The following UGT1A9 variants were observed in gnomAD, a reference collection of about 807,000 sequenced individuals.
UGT1A9 encodes the protein UDP-glucuronosyltransferase 1A9.
UGT1A9 carries 35 observed loss-of-function variants against 45.0 expected under a neutral mutation model. The ratio of observed to expected loss-of-function variants is 0.78; its 90% CI spans 0.59 to 1.03. The LOEUF is 1.03. Ranked by LOEUF, UGT1A9 falls within the 50% of genes least tolerant of loss-of-function variation. The pLI, the probability that UGT1A9 is intolerant of heterozygous loss-of-function variation, is 0.00. For missense variants in UGT1A9, 687 were observed against 666.6 expected, an observed-to-expected ratio of 1.03 and a Z score of -0.34; for synonymous variants, 278 against 250.6, an observed-to-expected ratio of 1.11 and a Z score of -1.03.
At position 233,742,072 on chromosome 2, in the gene UGT1A9, G is replaced by A. The variant is rs147639323; in HGVS notation, c.856-24962G>A. The A allele has an allele frequency of 2.6e-5, 4 of 151,962 alleles. 1 individual carries two copies. Among genetic ancestry groups the A allele is most frequent in the African/African-American group, 9.7e-5 (4 of 41,216 alleles). The allele number at this position is 151,962 out of a possible 1,614,324, so 9.4% of individuals were successfully genotyped here. ...GGATAGTTCTGTGTGGCCTTATGGA[G>A]ATCCTTTTTTTACATTTCCAGGACC... On this transcript the variant is annotated intron_variant, in intron 1 of 4. Coordinates refer to ENST00000354728, the MANE Select transcript of UGT1A9 (RefSeq NM_021027.3).
chr2:233,770,096 C>T (rs1250263322), intron 4 of UGT1A9: 2 of 152,608 alleles, frequency 1.3e-5, no homozygotes, highest in African/African-American at 4.8e-5. Flanking sequence ...GTATAGATAA[C>T]TACTTGTAAC....
intron 1 of UGT1A9, among the ~76,000 whole-genome samples, chr2:233,738,417 G>A (rs1690784004): frequency 6.6e-6 from 1 of 152,216 alleles, no homozygotes; most frequent in Non-Finnish European, 1.5e-5. Context: ...ACAGGCAGAG[G>A]CTGGAACAGT....
At chr2:233,674,675 TTA>T (rs2074292486) in intron 1 of UGT1A9, among the ~76,000 whole-genome samples, 2 of 152,206 alleles carry the variant, frequency 1.3e-5, no homozygotes, top group Non-Finnish European at 2.9e-5. Flanking sequence ...ATAAATGTGT[TTA>T]TGTGTCTATT....
At chr2:233,729,152 T>C (rs749302324) in intron 1 of UGT1A9, 3 of 1,613,556 alleles carry the variant, frequency 1.9e-6, no homozygotes, top group Non-Finnish European at 2.5e-6. Flanking sequence ...CAGGTTCCCC[T>C]GCCGTGGCTG....
At chr2:233,742,200 G>A (rs1293437959) in intron 1 of UGT1A9, among the ~76,000 whole-genome samples, 2 of 151,984 alleles carry the variant, frequency 1.3e-5, no homozygotes, top group East Asian at 3.9e-4. Context: ...GAAATCAGGG[G>A]ACTCACAGCC....
At chr2:233,743,793 C>A (rs768890081) in intron 1 of UGT1A9, 2 of 1,367,374 alleles carry the variant, frequency 1.5e-6, no homozygotes, top group Admixed American at 3.8e-5. Flanking sequence ...CTCCTCTCCG[C>A]TTCCTCCTTG....
intron 1 of UGT1A9, among the ~76,000 whole-genome samples, chr2:233,694,919 C>T (rs993608682): frequency 2.0e-5 from 3 of 152,252 alleles, no homozygotes; most frequent in South Asian, 2.1e-4. Flanking sequence ...ATACAATGTG[C>T]GATGATCAAA....
chr2:233,746,671 G>C (rs1345040800), intron 1 of UGT1A9, among the ~76,000 whole-genome samples: 1 of 151,792 alleles, frequency 6.6e-6, no homozygotes, highest in East Asian at 1.9e-4. Flanking sequence ...TCCTAGCATA[G>C]TAGGTAGGGC....
At chr2:233,766,838 C>A (rs906628829) in intron 1 of UGT1A9, among the ~76,000 whole-genome samples, 196 bp from the exon 2 acceptor site, 7 of 152,156 alleles carry the variant, frequency 4.6e-5, no homozygotes, top group African/African-American at 1.7e-4. Context: ...TAAGCAGGAA[C>A]CCTTCCTCCT....
At chr2:233,760,188 C>T (rs1697341455) in intron 1 of UGT1A9, 3 of 1,563,658 alleles carry the variant, frequency 1.9e-6, no homozygotes, top group East Asian at 2.3e-5. Flanking sequence ...TTTATAGTCA[C>T]GTGACACAGT....
chr2:233,754,024 C>T (rs763970261), intron 1 of UGT1A9, among the ~76,000 whole-genome samples: 4 of 152,198 alleles, frequency 2.6e-5, no homozygotes, highest in Non-Finnish European at 5.9e-5. Flanking sequence ...TGATAGGAAA[C>T]GAATGCATCC....
intron 1 of UGT1A9, among the ~76,000 whole-genome samples, chr2:233,728,457 A>G (rs1261555975): frequency 6.6e-6 from 1 of 152,148 alleles, no homozygotes; most frequent in African/African-American, 2.4e-5. Context: ...TCCTCAACAA[A>G]GTCTTCCCAA....
chr2:233,753,155 C>G (rs1695142736), intron 1 of UGT1A9: 2 of 152,204 alleles, frequency 1.3e-5, no homozygotes, highest in South Asian at 4.1e-4. Context: ...TGTAAGTTCC[C>G]TTATCCGGAT....
chr2:233,767,896 C>T lies in UGT1A9; in HGVS notation c.1035C>T (p.Asn345=), dbSNP rs1260686155. ...CCCGACCATCGAATCTTGCGAACAACACGATACTTGTTAAGTGGCTACCCC... is the reference window on the plus strand; with the variant it reads ...CCCGACCATCGAATCTTGCGAACAATACGATACTTGTTAAGTGGCTACCCC... ...TGTRPSNLAN[N]TILVKWLPQN... The change falls in exon 3 of 5, where the codon AAC becomes AAT. Residue 345 remains asparagine (N), a synonymous_variant. Transcript: ENST00000354728. 2.5e-6 allele frequency: 4 copies of T among 1,614,050 alleles called. No homozygotes were observed. Among genetic ancestry groups the T allele is most frequent in the African/African-American group, 1.3e-5 (1 of 74,912 alleles).
chr2:233,680,386 TAGCAAC>T (rs1195994691), intron 1 of UGT1A9, among the ~76,000 whole-genome samples: 4 of 152,186 alleles, frequency 2.6e-5, no homozygotes, highest in African/African-American at 7.2e-5. Flanking sequence ...CTCCCTGCAA[TAGCAAC>T]AGGAGGTAGC....
chr2:233,709,101 C>A (rs780265500), intron 1 of UGT1A9, among the ~76,000 whole-genome samples: 26 of 152,142 alleles, frequency 1.7e-4, no homozygotes, highest in Non-Finnish European at 3.7e-4. Context: ...AAGTCACATG[C>A]CCATCTCTGA....
chr2:233,675,661 G>A (rs1335617958), intron 1 of UGT1A9, among the ~76,000 whole-genome samples: 3 of 152,088 alleles, frequency 2.0e-5, no homozygotes, highest in Non-Finnish European at 4.4e-5. Context: ...CATACACAAT[G>A]GAGAGACTCA....
At chr2:233,700,879 C>A (rs1034154232) in intron 1 of UGT1A9, among the ~76,000 whole-genome samples, 1 of 152,082 alleles carries the variant, frequency 6.6e-6, no homozygotes, top group African/African-American at 2.4e-5. Context: ...CTCCTCCCCC[C>A]ACCCCACAAC....
intron 1 of UGT1A9, among the ~76,000 whole-genome samples, chr2:233,710,654 A>G (rs1019279657): frequency 1.3e-5 from 2 of 152,188 alleles, no homozygotes; most frequent in African/African-American, 4.8e-5. Flanking sequence ...TCTGGATACA[A>G]GTGCTATGTC....
Sources: allele counts gnomAD v4.1 joint callset (sites outside exome capture counted in the v4.1 genomes callset), GRCh38; gene constraint gnomAD v4.1.1; transcripts MANE v1.5; gene names NCBI Gene and HGNC (gene_info 2026-07-23, HGNC 2026-07-21).